Variants in SLC25A28 observed in about 807,000 individuals in gnomAD.
The protein encoded by SLC25A28 is solute carrier family 25 member 28.
Under a neutral mutation model 31.9 loss-of-function variants are expected in SLC25A28, and 10 were observed. The observed-to-expected ratio is 0.31, with a 90% CI of 0.19 to 0.53. The LOEUF (loss-of-function observed/expected upper bound fraction) is 0.53. Among genes scored for constraint, SLC25A28 ranks in the 20% least tolerant of loss-of-function variants. The pLI is 0.95. For missense variants in SLC25A28, 256 were observed against 490.3 expected (o/e 0.52, Z 4.51); for synonymous variants, 208 against 203.6 (o/e 1.02, Z -0.19).
chr10:99,641,827 C>T, the SLC25A28 span, among the ~76,000 whole-genome samples: 23 of 152,288 alleles, frequency 1.5e-4, no homozygotes, highest in East Asian at 4.0e-3. Flanking sequence ...ATAGGGAATC[C>T]TTTCCCCATT....
upstream of SLC25A28, among the ~76,000 whole-genome samples, chr10:99,623,021 AGGGTGGTAT>A (rs1385199540): frequency 6.6e-6 from 1 of 152,154 alleles, no homozygotes; most frequent in Non-Finnish European, 1.5e-5. Context: ...CCTTTGAAAT[AGGGTGGTAT>A]GATATAGTGT....
chr10:99,638,735 G>C, the SLC25A28 span, among the ~76,000 whole-genome samples: 1 of 152,224 alleles, frequency 6.6e-6, no homozygotes, highest in East Asian at 1.9e-4. Flanking sequence ...ACCACAATGT[G>C]ATACCACCTT....
At chr10:99,618,401 A>C (rs572221635) in intron 1 of SLC25A28, 1 of 985,336 alleles carries the variant, frequency 1.0e-6, no homozygotes, top group South Asian at 4.7e-5. Flanking sequence ...ACTCATCCAG[A>C]AAAACAGCAT....
chr10:99,617,399 A>G (rs2034683525), intron 1 of SLC25A28: 11 of 985,356 alleles, frequency 1.1e-5, no homozygotes, highest in Non-Finnish European at 1.3e-5. Context: ...ACAGGCCTGC[A>G]TGTCAAAAGG....
At chr10:99,652,821 A>G in the SLC25A28 span, among the ~76,000 whole-genome samples, 8 of 152,012 alleles carry the variant, frequency 5.3e-5, no homozygotes, top group African/African-American at 1.9e-4. Context: ...GCATTTTTCA[A>G]ATTTTCAATC....
At chr10:99,629,622 GTGAA>G in the SLC25A28 span, among the ~76,000 whole-genome samples, 1 of 152,216 alleles carries the variant, frequency 6.6e-6, no homozygotes, top group Admixed American at 6.5e-5. Context: ...ATGCTATAAT[GTGAA>G]TGAATCTTGA....
the SLC25A28 span, among the ~76,000 whole-genome samples, chr10:99,642,957 A>G: frequency 7.9e-5 from 12 of 152,268 alleles, no homozygotes; most frequent in African/African-American, 2.6e-4. Context: ...GTGTTGCTGG[A>G]TTCGGTTTGC....
At chr10:99,653,678 C>T in the SLC25A28 span, 9 of 151,980 alleles carry the variant, frequency 5.9e-5, no homozygotes, top group African/African-American at 2.2e-4. Flanking sequence ...TTCTTTTTTC[C>T]TTGCCAGAGC....
chr10:99,641,293 G>A, the SLC25A28 span, among the ~76,000 whole-genome samples: 2 of 152,184 alleles, frequency 1.3e-5, no homozygotes, highest in African/African-American at 4.8e-5. Context: ...TTGTGGTTTT[G>A]ATTTGCATTT....
At chr10:99,620,467 C>G (rs1118002), upstream of SLC25A28, 1 of 1,046,498 alleles carries the variant, frequency 9.6e-7, no homozygotes, top group Non-Finnish European at 1.1e-6. Flanking sequence ...CTTGGCCCCG[C>G]GGACACGCCC....
At chr10:99,637,554 A>G in the SLC25A28 span, among the ~76,000 whole-genome samples, 4 of 152,234 alleles carry the variant, frequency 2.6e-5, no homozygotes, top group Non-Finnish European at 5.9e-5. Context: ...TCCTCCAGAA[A>G]GCTCCTAGAA....
rs147927448 is a variant in SLC25A28 at position 99,611,996 on chromosome 10, A to C, written c.577+547T>G. ...TGCCCAGACAGAAAATGAACGTGGCAACAATGCTATCCCTTCATATTTGCT... is the reference window on the plus strand; with the variant it reads ...TGCCCAGACAGAAAATGAACGTGGCCACAATGCTATCCCTTCATATTTGCT... On this transcript the variant is annotated intron_variant, in intron 3 of 3. Transcript: ENST00000370495. This position sits in a 1 kb window ranked among gnomAD's most constrained non-coding sequence, Gnocchi z 5.5. 2.0e-5 allele frequency among the ~76,000 whole-genome samples: 3 copies of C among 152,348 alleles called. No homozygotes were observed. In the East Asian group the frequency reaches 5.8e-4, roughly 29 times the overall value.
At chr10:99,637,128 G>A in the SLC25A28 span, among the ~76,000 whole-genome samples, 3 of 151,980 alleles carry the variant, frequency 2.0e-5, no homozygotes, top group Non-Finnish European at 4.4e-5. Context: ...ATGCAGAGAT[G>A]GTTTAACATA....
At chr10:99,644,825 G>C in the SLC25A28 span, among the ~76,000 whole-genome samples, 61,741 of 151,892 alleles carry the variant, frequency 0.41, 12,801 homozygotes, top group East Asian at 0.6. Flanking sequence ...GCTTAGTTTG[G>C]CTGGATATGA....
Position 99,611,489 on chromosome 10 carries a change from G to A in SLC25A28, c.578-123C>T. The A allele has an allele frequency of 8.1e-7, 1 of 1,236,692 alleles. No homozygotes were observed. The highest frequency in any genetic ancestry group is 1.1e-6 in the Non-Finnish European group (1 of 892,930). The allele number at this position is 1,236,692 out of a possible 1,614,324, so 76.6% of individuals were successfully genotyped here. A position where few individuals can be genotyped will look rare whatever the true frequency, so the allele number is the denominator to read the frequency against. ...GGAATAGAGAGAGAAAAAAGTATGA[G>A]TGAGCTGCTGGCTAACCTGAGAAGT... On this transcript the variant is annotated intron_variant, in intron 3 of 3. Transcript: ENST00000370495. This position sits in a 1 kb window ranked among gnomAD's most constrained non-coding sequence, Gnocchi z 5.5.
the SLC25A28 span, among the ~76,000 whole-genome samples, chr10:99,641,097 G>A: frequency 6.6e-6 from 1 of 152,090 alleles, no homozygotes; most frequent in Non-Finnish European, 1.5e-5. Flanking sequence ...GGGATGGCTG[G>A]GTCAGATGGT....
chr10:99,638,498 C>T, the SLC25A28 span, among the ~76,000 whole-genome samples: 1 of 152,154 alleles, frequency 6.6e-6, no homozygotes, highest in Non-Finnish European at 1.5e-5. Context: ...GCAGAGTAAA[C>T]AGCAACCCAC....
the SLC25A28 span, among the ~76,000 whole-genome samples, chr10:99,647,945 T>C: frequency 6.6e-6 from 1 of 152,184 alleles, no homozygotes; most frequent in African/African-American, 2.4e-5. Flanking sequence ...GTTGAGCTTG[T>C]CAAAGGTCAG....
At chr10:99,651,697 C>G in the SLC25A28 span, among the ~76,000 whole-genome samples, 1 of 150,050 alleles carries the variant, frequency 6.7e-6, no homozygotes, top group Non-Finnish European at 1.5e-5. Flanking sequence ...CTCACATGAT[C>G]CTCTCACCTC....
Sources: gnomAD v4.1 joint callset for allele counts (sites outside exome capture counted in the v4.1 genomes callset) on GRCh38, gnomAD v4.1.1 for gene constraint, Gnocchi (gnomAD v3.1) non-coding constraint, MANE v1.5 for transcripts, NCBI Gene and HGNC (gene_info 2026-07-23, HGNC 2026-07-21) for gene names.